STARD8: variants seen among roughly 807,000 people sequenced by gnomAD.
The protein encoded by STARD8 is StAR related lipid transfer domain containing 8, also known as stAR-related lipid transfer protein 8.
In STARD8, 25 loss-of-function variants were observed where a neutral mutation model predicts 69.4. That is an observed-to-expected ratio of 0.36 (90% CI 0.26 to 0.50). The LOEUF (loss-of-function observed/expected upper bound fraction) is 0.50. Among genes scored for constraint, STARD8 ranks in the 20% least tolerant of loss-of-function variants. The pLI, the probability that STARD8 is intolerant of heterozygous loss-of-function variation, is 0.96. For missense variants in STARD8, 921 were observed against 932.5 expected (o/e 0.99, Z 0.16); for synonymous variants, 389 against 374.6 (o/e 1.04, Z -0.45).
chrX:68,669,874 C>T (rs2079717991), intron 2 of STARD8, among the ~76,000 whole-genome samples: 1 of 112,641 alleles, frequency 8.9e-6, no homozygotes, highest in Non-Finnish European at 1.9e-5. Flanking sequence ...GACAAAAATA[C>T]TAAGCATATG....
intron 9 of STARD8, 110 bp downstream of exon 9, chrX:68,721,232 G>A: frequency 1.1e-6 from 1 of 915,606 alleles, no homozygotes. Flanking sequence ...GGACCTGTGA[G>A]CTGATTGGAA....
intron 2 of STARD8, among the ~76,000 whole-genome samples, chrX:68,701,953 C>T (rs966624289): frequency 4.5e-5 from 5 of 111,362 alleles, no homozygotes; most frequent in Non-Finnish European, 7.5e-5. Context: ...AAGCTGTAGC[C>T]CTCCCCGAAG....
chrX:68,724,494 A>T lies in STARD8; in HGVS notation c.*72A>T. On this transcript the variant is annotated 3_prime_UTR_variant, in exon 15 of 15. Coordinates refer to ENST00000374599, the MANE Select transcript of STARD8 (RefSeq NM_001142503.3). ...CAAGGGAGCGAGGGGGAATAAGAGC[A>T]GGGCAGCCCCCTGGGTGCCGCTGTC... is the stretch of plus-strand genomic sequence containing the variant. The T allele has an allele frequency of 1.1e-6, 1 of 948,626 alleles. No individual in the cohort carries two copies. Among genetic ancestry groups the T allele is most frequent in the Non-Finnish European group, 1.5e-6 (1 of 679,343 alleles). 78.2% of individuals were successfully genotyped at this position (948,626 alleles called of 1,213,427 possible).
At chrX:68,650,711 G>A (rs1440088474) in intron 1 of STARD8, among the ~76,000 whole-genome samples, 10 of 110,011 alleles carry the variant, frequency 9.1e-5, no homozygotes, top group Non-Finnish European at 1.9e-5. Flanking sequence ...GGCTGAGGCA[G>A]GAGGATGGCT....
At chrX:68,651,229 A>T (rs1467868756) in intron 1 of STARD8, among the ~76,000 whole-genome samples, 1 of 112,856 alleles carries the variant, frequency 8.9e-6, no homozygotes, top group African/African-American at 3.2e-5. Context: ...AAGCCTGTAG[A>T]CATACAAAAG....
At chrX:68,693,202 G>A (rs896895595) in intron 2 of STARD8, among the ~76,000 whole-genome samples, 1 of 112,658 alleles carries the variant, frequency 8.9e-6, no homozygotes, top group Admixed American at 9.3e-5. Context: ...AGCAACGTAG[G>A]GATGGCAGCT....
rs189640379 is a variant in STARD8 at position 68,666,493 on chromosome X, C to G, written c.79+961C>G. Reference sequence around the variant, plus strand: ...AGACGTTGGAAGAGACAACCAGAACCCTTACTAATAAGAACCTTCCAAAGT... The same window carrying G: ...AGACGTTGGAAGAGACAACCAGAACGCTTACTAATAAGAACCTTCCAAAGT... On this transcript the variant is annotated intron_variant, in intron 2 of 14. Coordinates refer to ENST00000374599, the MANE Select transcript of STARD8 (RefSeq NM_001142503.3). 1.6e-4 allele frequency among the ~76,000 whole-genome samples: 18 copies of G among 112,141 alleles called. No homozygotes were observed. In the East Asian group the frequency reaches 4.5e-3, roughly 28 times the overall value.
intron 2 of STARD8, among the ~76,000 whole-genome samples, chrX:68,686,611 G>T (rs933116783): frequency 8.8e-6 from 1 of 113,088 alleles, no homozygotes; most frequent in African/African-American, 3.2e-5. Flanking sequence ...GCTTCGCGGA[G>T]AGCTTCCCGC....
intron 8 of STARD8, 22 bp downstream of exon 8, chrX:68,720,445 T>A: frequency 8.7e-7 from 1 of 1,147,460 alleles, no homozygotes; most frequent in Non-Finnish European, 1.2e-6. Flanking sequence ...TGGGGCAGCC[T>A]GCCGGGAGAT....
At chrX:68,694,299 G>A (rs1249628903) in intron 2 of STARD8, among the ~76,000 whole-genome samples, 1 of 112,837 alleles carries the variant, frequency 8.9e-6, no homozygotes, top group African/African-American at 3.2e-5. Context: ...GTCGGCCACT[G>A]CCTCATTGCT....
chrX:68,649,972 A>C (rs1213241125), intron 1 of STARD8, among the ~76,000 whole-genome samples: 2 of 111,110 alleles, frequency 1.8e-5, no homozygotes, highest in Non-Finnish European at 3.8e-5. Flanking sequence ...AGGGAAAATT[A>C]AAGTGCCTTT....
intron 1 of STARD8, among the ~76,000 whole-genome samples, chrX:68,648,517 C>A (rs145777651): frequency 0.025 from 2,811 of 111,304 alleles, 47 homozygotes; most frequent in Non-Finnish European, 0.04. Context: ...TCCCAGCATT[C>A]TGGGAGGCCG....
chrX:68,712,347 G>C (rs373510545), intron 2 of STARD8, among the ~76,000 whole-genome samples: 16 of 112,698 alleles, frequency 1.4e-4, no homozygotes, highest in African/African-American at 4.8e-4. Flanking sequence ...ACCATAGGCT[G>C]AGCCTGTTTG....
chrX:68,718,483 C>T lies in STARD8; in HGVS notation c.1569C>T (p.Asp523=). ...LSVEEGHSIS[D]TVASSSELDS... ...TGGAAGAAGGACACTCCATTTCTGA[C>T]ACTGTGGCCTCCTCCAGCGAACTTG... The change falls in exon 6 of 15, where the codon GAC becomes GAT. Residue 523 remains aspartate, a synonymous_variant. Transcript: ENST00000374599. 1 of 1,212,275 alleles carries T rather than the reference C, an allele frequency of 8.2e-7. No individual in the cohort carries two copies. The highest frequency in any genetic ancestry group is 1.1e-6 in the Non-Finnish European group (1 of 895,584).
intron 1 of STARD8, among the ~76,000 whole-genome samples, chrX:68,652,543 G>A (rs1247983156): frequency 1.8e-5 from 2 of 111,031 alleles, no homozygotes; most frequent in African/African-American, 6.6e-5. Flanking sequence ...AGTCCAATAC[G>A]TGTTTGCTGT....
chrX:68,720,432 T>C lies in STARD8; in HGVS notation c.2049+9T>C. 1 of 1,160,906 alleles carries C rather than the reference T, an allele frequency of 8.6e-7. No homozygotes were observed. The highest frequency in any genetic ancestry group is 1.2e-6 in the Non-Finnish European group (1 of 866,890). Reference sequence around the variant, plus strand: ...GCCAGTGCCTGGACCAAGTGAGCCCTCGTGGGGCAGCCTGCCGGGAGATGG... The same window carrying C: ...GCCAGTGCCTGGACCAAGTGAGCCCCCGTGGGGCAGCCTGCCGGGAGATGG... On this transcript the variant is annotated intron_variant, in intron 8 of 14. Transcript: ENST00000374599.
chrX:68,693,717 G>C (rs758928711), intron 2 of STARD8: 1 of 754,852 alleles, frequency 1.3e-6, no homozygotes, highest in Non-Finnish European at 1.6e-6. Flanking sequence ...ACCCCTGCCC[G>C]ACCCCAGGCC....
At chrX:68,707,039 A>G (rs961988251) in intron 2 of STARD8, among the ~76,000 whole-genome samples, 1 of 112,762 alleles carries the variant, frequency 8.9e-6, no homozygotes, top group Non-Finnish European at 1.9e-5. Flanking sequence ...TGGGGTTGTC[A>G]CATAGATAGT....
At position 68,693,602 on chromosome X, in the gene STARD8, C is replaced by T. The variant is rs1047903457; in HGVS notation, c.80-19312C>T. 8.0e-6 allele frequency: 6 copies of T among 746,055 alleles called. No individual in the cohort carries two copies. The East Asian group carries it at 4.6e-4, about 57-fold the overall frequency. 61.5% of individuals were successfully genotyped at this position (746,055 alleles called of 1,213,427 possible). ...GGCCGAGGGGAGGTGGGCGGGGCGT[C>T]CCTACAGCCCTACTCGCCGACGCTC... On this transcript the variant is annotated intron_variant, in intron 2 of 14. Transcript: ENST00000374599.
Sources: allele counts gnomAD v4.1 joint callset (sites outside exome capture counted in the v4.1 genomes callset), GRCh38; gene constraint gnomAD v4.1.1; transcripts MANE v1.5; gene names NCBI Gene and HGNC (gene_info 2026-07-23, HGNC 2026-07-21).